Variants in ZNF638 observed in about 807,000 individuals in gnomAD.
The protein encoded by ZNF638 is zinc finger protein 638, also known as CTCL tumor antigen se33-1.
ZNF638 carries 46 observed loss-of-function variants against 195.6 expected under a neutral mutation model. The observed-to-expected ratio is 0.24, with a 90% CI of 0.19 to 0.30. The LOEUF (loss-of-function observed/expected upper bound fraction) is 0.30. Ranked by LOEUF, ZNF638 falls within the 10% of genes least tolerant of loss-of-function variation. ZNF638 has a pLI of 1.00. For missense variants in ZNF638, 2,440 were observed against 2,325.3 expected, an observed-to-expected ratio of 1.05 and a Z score of -1.01; for synonymous variants, 845 against 772.0, an observed-to-expected ratio of 1.09 and a Z score of -1.57.
intron 20 of ZNF638, among the ~76,000 whole-genome samples, chr2:71,414,043 A>T (rs1282305961): frequency 7.2e-6 from 1 of 139,398 alleles, no homozygotes; most frequent in Admixed American, 7.3e-5. Flanking sequence ...GAATAGTTTC[A>T]GAAGGAATGG....
chr2:71,393,287 A>G (rs1248656661), intron 10 of ZNF638: 3 of 626,596 alleles, frequency 4.8e-6, no homozygotes, highest in Non-Finnish European at 8.8e-6. Context: ...CTCTCAAGAC[A>G]TAAAACCCGC....
intron 27 of ZNF638, 134 bp from the exon 28 acceptor site, chr2:71,434,604 ATGGT>A: frequency 1.5e-6 from 1 of 671,898 alleles, no homozygotes. Flanking sequence ...AAAGGAAGAA[ATGGT>A]TATATAAGGC....
At chr2:71,339,879 A>C (rs919286298) in intron 1 of ZNF638, among the ~76,000 whole-genome samples, 8 of 152,186 alleles carry the variant, frequency 5.3e-5, no homozygotes, top group Non-Finnish European at 8.8e-5. Flanking sequence ...ACCAGTGCAC[A>C]TCTGCGGGGG....
rs112206531 is a variant in ZNF638 at position 71,364,168 on chromosome 2, A to G, written c.1633A>G (p.Ile545Val). 1.9e-5 allele frequency: 30 copies of G among 1,614,108 alleles called. No homozygotes were observed. Among genetic ancestry groups the G allele is most frequent in the African/African-American group, 1.6e-4 (12 of 74,932 alleles). The stretch of plus-strand genomic sequence containing the variant: ...ATCCAGATCCCGTTCACCATATCGA[A>G]TTAGAAATCCATTTAGAGGTAGTCC... Reference protein sequence around the residue: ...SRSRSRSPYRIRNPFRGSPKC... With the variant: ...SRSRSRSPYRVRNPFRGSPKC... The change falls in exon 5 of 28, where the codon ATT (isoleucine) becomes GTT (valine). Residue 545 changes from isoleucine (I) to valine (V), a missense_variant. Physicochemically the swap from Ile to Val is conservative, Grantham distance 29. Coordinates refer to ENST00000264447, the MANE Select transcript of ZNF638 (RefSeq NM_014497.5).
intron 11 of ZNF638, among the ~76,000 whole-genome samples, chr2:71,396,810 A>G (rs1251063531): frequency 6.6e-6 from 1 of 152,150 alleles, no homozygotes; most frequent in Non-Finnish European, 1.5e-5. Flanking sequence ...GCCAGGCACC[A>G]GTGATGCACG....
At chr2:71,333,681 A>G (rs895731005) in intron 1 of ZNF638, among the ~76,000 whole-genome samples, 3 of 152,238 alleles carry the variant, frequency 2.0e-5, no homozygotes, top group Non-Finnish European at 2.9e-5. Flanking sequence ...TGCAGTCGGA[A>G]GATCTGGATT....
intron 20 of ZNF638, among the ~76,000 whole-genome samples, chr2:71,411,286 C>T (rs986092207): frequency 3.2e-4 from 49 of 151,612 alleles, no homozygotes; most frequent in Middle Eastern, 3.4e-3. Context: ...GGATTAGCCA[C>T]CATGCCTGGC....
At position 71,408,216 on chromosome 2, in the gene ZNF638, G is replaced by T. The variant is rs986668544; in HGVS notation, c.3230G>T (p.Cys1077Phe). The change falls in exon 20 of 28, where the codon TGC becomes TTC. Residue 1077 changes from cysteine (C) to phenylalanine (F), a missense_variant. Transcript: ENST00000264447. ...PQNIGDHMLT[C>F]SLSPKIDLPE... Reference sequence around the variant, plus strand: ...AATATTGGTGACCATATGTTGACCTGCTCATTATCTCCAAAGATAGACTTA... The same window carrying T: ...AATATTGGTGACCATATGTTGACCTTCTCATTATCTCCAAAGATAGACTTA... 2 of 1,612,542 alleles carry T rather than the reference G, an allele frequency of 1.2e-6. No homozygotes were observed. Among genetic ancestry groups the T allele is most frequent in the African/African-American group, 2.7e-5 (2 of 74,832 alleles).
At chr2:71,351,821 T>C (rs558552207) in intron 2 of ZNF638, among the ~76,000 whole-genome samples, 9 of 152,266 alleles carry the variant, frequency 5.9e-5, no homozygotes, top group Admixed American at 2.6e-4. Context: ...TTAAAACAAT[T>C]AGAAGACAAC....
At chr2:71,334,117 T>TA (rs2078621550) in intron 1 of ZNF638, among the ~76,000 whole-genome samples, 1 of 152,230 alleles carries the variant, frequency 6.6e-6, no homozygotes, top group African/African-American at 2.4e-5. Context: ...ATATGATTGT[T>TA]ACGTTAGTCT....
chr2:71,334,795 C>T (rs919113732), intron 1 of ZNF638, among the ~76,000 whole-genome samples: 97 of 152,092 alleles, frequency 6.4e-4, no homozygotes, highest in African/African-American at 2.3e-3. Flanking sequence ...GTGGCGGGCG[C>T]CTGTAGTCCC....
intron 16 of ZNF638, 25 bp from the exon 17 acceptor site, chr2:71,403,845 G>C: frequency 6.8e-7 from 1 of 1,476,990 alleles, no homozygotes; most frequent in Non-Finnish European, 9.1e-7. Context: ...GATTTTTCTT[G>C]TTACCTTAAT....
At chr2:71,350,566 C>T (rs1181487352) in intron 2 of ZNF638, among the ~76,000 whole-genome samples, 1 of 152,102 alleles carries the variant, frequency 6.6e-6, no homozygotes, top group Non-Finnish European at 1.5e-5. Context: ...ACATAAGCTG[C>T]GTACTTACAA....
At chr2:71,388,042 C>T (rs1297519345) in intron 10 of ZNF638, among the ~76,000 whole-genome samples, 2 of 152,078 alleles carry the variant, frequency 1.3e-5, no homozygotes, top group African/African-American at 2.4e-5. Context: ...AAAAATCCTA[C>T]CAGTTTCCAT....
chr2:71,358,994 T>C (rs2079066419), intron 3 of ZNF638, among the ~76,000 whole-genome samples: 1 of 152,224 alleles, frequency 6.6e-6, no homozygotes, highest in Non-Finnish European at 1.5e-5. Flanking sequence ...TTTAAAAACA[T>C]GCTATTGTAC....
intron 10 of ZNF638, chr2:71,395,741 G>A (rs1425824733): frequency 7.5e-5 from 29 of 384,256 alleles, no homozygotes; most frequent in East Asian, 6.5e-4. Context: ...TCCCCTAGCC[G>A]CACTCATGCA....
intron 10 of ZNF638, among the ~76,000 whole-genome samples, chr2:71,383,783 G>T (rs1387582480): frequency 0.018 from 393 of 21,860 alleles, 4 homozygotes; most frequent in African/African-American, 0.096. Flanking sequence ...TTTTTTTTTA[G>T]TAGAGATGGG....
rs769687663 is a variant in ZNF638, at chr2:71,398,712, A to C, written c.2440A>C (p.Ser814Arg). 1 of 1,613,388 alleles carries C rather than the reference A, an allele frequency of 6.2e-7. No individual in the cohort carries two copies. ...KVNKSTGKSA[S>R]SVKSVVTVAV... ...CTTTTGTGATTTAGGGAAATCAGCA[A>C]GTTCTGTAAAATCTGTGGTAACGGT... The change falls in exon 12 of 28, where the codon AGT becomes CGT. Residue 814 changes from serine to arginine, a missense_variant. Ser to Arg is a moderately radical substitution (Grantham distance 110, BLOSUM62 -1). Transcript: ENST00000264447.
chr2:71,365,479 G>A lies in ZNF638; in HGVS notation c.1768G>A (p.Glu590Lys). The A allele has an allele frequency of 1.2e-6, 2 of 1,613,970 alleles. No individual in the cohort carries two copies. Among genetic ancestry groups the A allele is most frequent in the South Asian group, 2.2e-5 (2 of 91,072 alleles). ...DVVQRSGHGT[E>K]FNKQKHLEAA... ...AGTACAACGATCTGGGCATGGGACA[G>A]AATTTAATAAACAGAAGCATCTTGA... The change falls in exon 6 of 28, where the codon GAA becomes AAA. Residue 590 changes from glutamate to lysine, a missense_variant. Coordinates refer to ENST00000264447, the MANE Select transcript of ZNF638 (RefSeq NM_014497.5).
Sources: allele counts gnomAD v4.1 joint callset (sites outside exome capture counted in the v4.1 genomes callset), GRCh38; gene constraint gnomAD v4.1.1; transcripts MANE v1.5; gene names NCBI Gene and HGNC (gene_info 2026-07-23, HGNC 2026-07-21).